PCNX2: variants seen among roughly 807,000 people sequenced by gnomAD.
PCNX2 encodes pecanex-like protein 2.
PCNX2 carries 168 observed loss-of-function variants against 223.8 expected under a neutral mutation model. The ratio of observed to expected loss-of-function variants is 0.75; its 90% CI spans 0.66 to 0.85. The LOEUF (loss-of-function observed/expected upper bound fraction) is 0.85, where lower values mean the gene tolerates loss of function less well. PCNX2 is among the 40% of genes least tolerant of loss of function. PCNX2 has a pLI of 0.00. For missense variants in PCNX2, 2,507 were observed against 2,675.5 expected (o/e 0.94, Z 1.39); for synonymous variants, 1,006 against 1,052.6 (o/e 0.96, Z 0.86).
In PCNX2 at chr1:233,095,803, C is replaced by T; in HGVS notation, c.3898G>A (p.Ala1300Thr). Reference sequence around the variant, plus strand: ...AACACGTGAAACGAAGAACCCCAAGCCATCTGCCAAGGAGCCACATATGTC... The same window carrying T: ...AACACGTGAAACGAAGAACCCCAAGTCATCTGCCAAGGAGCCACATATGTC... ...VLTYVAPWQM[A>T]WGSSFHVFAQ... is the part of the protein sequence containing the mutation. The change falls in exon 22 of 34, where the codon GCT becomes ACT. Residue 1300 changes from alanine (A) to threonine (T), a missense_variant. By Grantham distance (58) the Ala-to-Thr change is moderately conservative (BLOSUM62 0). This residue lies in a region of PCNX2 where 1,372 missense variants were observed against 1,509.4 expected (regional missense o/e 0.91). Coordinates refer to ENST00000258229, the MANE Select transcript of PCNX2 (RefSeq NM_014801.4). 6.2e-7 allele frequency: 1 copy of T among 1,612,842 alleles called. No homozygotes were observed. Among genetic ancestry groups the T allele is most frequent in the Non-Finnish European group, 8.5e-7 (1 of 1,179,428 alleles).
chr1:232,993,440 C>A (rs1246206727), intron 32 of PCNX2, among the ~76,000 whole-genome samples: 1 of 152,140 alleles, frequency 6.6e-6, no homozygotes, highest in Non-Finnish European at 1.5e-5. Context: ...GGTGACCTGG[C>A]TTATTCTGAA....
rs1675204246 is a variant in PCNX2 at position 233,113,029 on chromosome 1, T to G, written c.3838-17166A>C. 16 of 1,284,098 alleles carry G rather than the reference T, an allele frequency of 1.2e-5. No individual in the cohort carries two copies. In the South Asian group the frequency reaches 1.7e-4, roughly 14 times the overall value. The allele number at this position is 1,284,098 out of a possible 1,614,324, so 79.5% of individuals were successfully genotyped here. A position where few individuals can be genotyped will look rare whatever the true frequency, so the allele number is the denominator to read the frequency against. ...TGTAAATCTTTAAGGGATGTGTAGG[T>G]TCTGTGCAGGCACTTTCCTGCAATT... is the stretch of plus-strand genomic sequence containing the variant. On this transcript the variant is annotated intron_variant, in intron 21 of 33. Coordinates refer to ENST00000258229, the MANE Select transcript of PCNX2 (RefSeq NM_014801.4).
intron 21 of PCNX2, among the ~76,000 whole-genome samples, chr1:233,121,657 T>C (rs1675802582): frequency 6.6e-6 from 1 of 152,182 alleles, no homozygotes; most frequent in South Asian, 2.1e-4. Flanking sequence ...ATTGAACAGT[T>C]AACTAAATGG....
At chr1:233,022,902 G>A (rs1670946658) in intron 26 of PCNX2, among the ~76,000 whole-genome samples, 1 of 151,982 alleles carries the variant, frequency 6.6e-6, no homozygotes, top group African/African-American at 2.4e-5. Context: ...TCTCCATGTT[G>A]GTCAGGCTGG....
intron 13 of PCNX2, among the ~76,000 whole-genome samples, chr1:233,206,142 G>A (rs1019917901): frequency 2.2e-4 from 34 of 152,126 alleles, no homozygotes; most frequent in Admixed American, 6.5e-5. Flanking sequence ...ACCTGTAAGA[G>A]GTGGCACTCT....
At chr1:233,175,015 G>T (rs141814277) in intron 17 of PCNX2, among the ~76,000 whole-genome samples, 1 of 152,166 alleles carries the variant, frequency 6.6e-6, no homozygotes, top group African/African-American at 2.4e-5. Flanking sequence ...CAGGCCAGAT[G>T]AATCAGAATA....
chr1:233,134,157 G>A (rs1281918821), intron 21 of PCNX2, among the ~76,000 whole-genome samples: 5 of 152,194 alleles, frequency 3.3e-5, no homozygotes, highest in East Asian at 1.9e-4. Context: ...AAGAAACCCC[G>A]TGGCTGCTGT....
In PCNX2 at chr1:233,150,215, C is replaced by T. The variant is rs572035763; in HGVS notation, c.3517+10068G>A. Among the ~76,000 whole-genome samples the T allele has an allele frequency of 1.1e-4, 17 of 152,264 alleles. 1 individual carries two copies. The South Asian group carries it at 3.3e-3, about 30-fold the overall frequency. On this transcript the variant is annotated intron_variant, in intron 19 of 33. Transcript: ENST00000258229. ...TGGATTAATAACTTAATTAAGAAGA[C>T]GCCTAGTAGAACAAAGTCTGAGGAG...
chr1:233,163,577 A>C (rs565046811), intron 17 of PCNX2, among the ~76,000 whole-genome samples: 2 of 151,520 alleles, frequency 1.3e-5, no homozygotes, highest in South Asian at 4.2e-4. Context: ...TTATGGTTTT[A>C]TGGGGATATA....
Position 233,295,311 on chromosome 1 carries a change from A to C in PCNX2, c.153+15T>G, listed in dbSNP as rs1572220231. Reference sequence around the variant, plus strand: ...CATACCCACAGCTCCCCGGGACCGGACCCTCCCCACTCACCAGGTGCAGGG... The same window carrying C: ...CATACCCACAGCTCCCCGGGACCGGCCCCTCCCCACTCACCAGGTGCAGGG... On this transcript the variant is annotated intron_variant, in intron 1 of 33. Coordinates refer to ENST00000258229, the MANE Select transcript of PCNX2 (RefSeq NM_014801.4). This position sits in a 1 kb window ranked among gnomAD's most constrained non-coding sequence, Gnocchi z 4.1. The C allele has an allele frequency of 3.8e-6, 6 of 1,572,574 alleles. No homozygotes were observed. The highest frequency in any genetic ancestry group is 4.3e-6 in the Non-Finnish European group (5 of 1,158,920).
chr1:233,159,517 CA>C (rs1250666769), intron 19 of PCNX2, among the ~76,000 whole-genome samples: 1 of 152,108 alleles, frequency 6.6e-6, no homozygotes, highest in Non-Finnish European at 1.5e-5. Flanking sequence ...CAGCTCTGTG[CA>C]GAATCAGCAG....
At chr1:233,205,239 G>A (rs146614272) in intron 13 of PCNX2, among the ~76,000 whole-genome samples, 195 of 152,268 alleles carry the variant, frequency 1.3e-3, no homozygotes, top group Non-Finnish European at 2.2e-3. Flanking sequence ...TGCTCTTCAT[G>A]CCCCAAACCT....
intron 1 of PCNX2, among the ~76,000 whole-genome samples, chr1:233,282,197 C>T (rs1028585271): frequency 5.9e-5 from 9 of 152,122 alleles, no homozygotes; most frequent in African/African-American, 2.2e-4. Context: ...CTTGCTCTTC[C>T]CTTGTCTCCC....
chr1:233,176,382 C>A (rs1251358306), intron 17 of PCNX2, among the ~76,000 whole-genome samples: 1 of 152,160 alleles, frequency 6.6e-6, no homozygotes, highest in Non-Finnish European at 1.5e-5. Context: ...CGTGCTCCAC[C>A]CAGTGTGGTT....
At chr1:233,101,100 T>C (rs549230247) in intron 21 of PCNX2, among the ~76,000 whole-genome samples, 2 of 152,122 alleles carry the variant, frequency 1.3e-5, no homozygotes, top group African/African-American at 4.8e-5. Flanking sequence ...GAGAAGAAAT[T>C]TGGAGGTTCA....
chr1:233,008,344 A>C (rs554189735), intron 28 of PCNX2, among the ~76,000 whole-genome samples: 7 of 152,204 alleles, frequency 4.6e-5, no homozygotes, highest in East Asian at 1.9e-4. Flanking sequence ...CGGGTGCTAC[A>C]CTGAGAAGCG....
chr1:233,320,601 A>G, the PCNX2 span, among the ~76,000 whole-genome samples: 1 of 152,286 alleles, frequency 6.6e-6, no homozygotes, highest in South Asian at 2.1e-4. Context: ...ATTCTTTGAT[A>G]CCATAAAAAA....
chr1:233,252,057 G>A (rs1659483702), intron 7 of PCNX2, among the ~76,000 whole-genome samples: 1 of 152,218 alleles, frequency 6.6e-6, no homozygotes, highest in Admixed American at 6.5e-5. Flanking sequence ...AGTGTTAAGA[G>A]AACAACAAAA....
At chr1:233,025,425 G>A (rs749969957) in intron 25 of PCNX2, 26 bp from the exon 26 acceptor site, 4 of 1,610,102 alleles carry the variant, frequency 2.5e-6, no homozygotes, top group Non-Finnish European at 3.4e-6. Context: ...CATGAAGGAA[G>A]TTTGAAGAGA....
Sources: gnomAD v4.1 joint callset for allele counts (sites outside exome capture counted in the v4.1 genomes callset) on GRCh38, gnomAD v4.1.1 for gene constraint, gnomAD v4.1.1 regional missense constraint, Gnocchi (gnomAD v3.1) non-coding constraint, MANE v1.5 for transcripts, NCBI Gene and HGNC (gene_info 2026-07-23, HGNC 2026-07-21) for gene names.